The following ARHGAP24 variants were observed in gnomAD, a reference collection of about 807,000 sequenced individuals.
ARHGAP24 encodes Rho GTPase activating protein 24, also known as rho GTPase-activating protein 24.
Under a neutral mutation model 76.4 loss-of-function variants are expected in ARHGAP24, and 50 were observed. That is an observed-to-expected ratio of 0.65 (90% CI 0.52 to 0.83). The LOEUF (loss-of-function observed/expected upper bound fraction) is 0.83. Among genes scored for constraint, ARHGAP24 ranks in the 40% least tolerant of loss-of-function variants. The probability of loss-of-function intolerance (pLI) is 0.00; values close to 1 mark genes in which losing one functional copy is unlikely to be tolerated. For synonymous variants in ARHGAP24, 345 were observed against 323.3 expected (o/e 1.07, Z -0.72); for missense variants, 930 against 914.2 (o/e 1.02, Z -0.22).
At position 85,862,765 on chromosome 4, in the gene ARHGAP24, A is replaced by G. The variant is rs765055009; in HGVS notation, c.269-60883A>G. On this transcript the variant is annotated intron_variant, in intron 3 of 9. Transcript: ENST00000395184. ...TCTCAGTAAATGGCAACACCATCCA[A>G]TATTTGATGGGATCTCATATTTTCC... Among the ~76,000 whole-genome samples the G allele has an allele frequency of 5.9e-5, 9 of 152,082 alleles. 1 individual carries two copies. The highest frequency in any genetic ancestry group is 1.2e-4 in the African/African-American group (5 of 41,432).
intron 1 of ARHGAP24, among the ~76,000 whole-genome samples, chr4:85,506,895 T>TG (rs1045819273): frequency 2.3e-4 from 2 of 8,710 alleles, no homozygotes. Flanking sequence ...TCTAAGCCTT[T>TG]TTTTTTCCCC....
At chr4:85,519,898 TC>T (rs1459828122) in intron 1 of ARHGAP24, among the ~76,000 whole-genome samples, 4 of 152,158 alleles carry the variant, frequency 2.6e-5, no homozygotes, top group Non-Finnish European at 4.4e-5. Context: ...GTCTCCTGTT[TC>T]CTTACATCAT....
At chr4:85,533,187 A>C (rs1725337856) in intron 1 of ARHGAP24, among the ~76,000 whole-genome samples, 1 of 152,076 alleles carries the variant, frequency 6.6e-6, no homozygotes, top group Non-Finnish European at 1.5e-5. Flanking sequence ...ATGGTGATAA[A>C]CCTCAAGGGA....
chr4:85,822,757 A>G (rs1177988102), intron 3 of ARHGAP24, among the ~76,000 whole-genome samples: 2 of 152,166 alleles, frequency 1.3e-5, no homozygotes, highest in Admixed American at 6.6e-5. Context: ...TATTTATACC[A>G]TATCTATTCT....
intron 4 of ARHGAP24, chr4:85,930,174 G>A (rs981631626): frequency 1.2e-5 from 10 of 868,564 alleles, no homozygotes; most frequent in Non-Finnish European, 1.4e-5. Context: ...CGGAGCAGGA[G>A]GAGGGGGAGG....
intron 1 of ARHGAP24, among the ~76,000 whole-genome samples, chr4:85,492,790 TAG>T (rs552676904): frequency 8.5e-5 from 13 of 152,246 alleles, no homozygotes; most frequent in Admixed American, 6.5e-4. Flanking sequence ...GTTAGCATTT[TAG>T]AGTTATCAAA....
intron 2 of ARHGAP24, among the ~76,000 whole-genome samples, chr4:85,658,125 G>A (rs1187429901): frequency 2.0e-5 from 3 of 151,942 alleles, no homozygotes; most frequent in Admixed American, 1.3e-4. Flanking sequence ...CTTTTTTTCA[G>A]TCTGACAAAA....
At chr4:85,950,307 A>G (rs1428024968) in intron 5 of ARHGAP24, among the ~76,000 whole-genome samples, 1 of 149,120 alleles carries the variant, frequency 6.7e-6, no homozygotes, top group Non-Finnish European at 1.5e-5. Flanking sequence ...TGACTGGACA[A>G]TAAAGTGAGA....
chr4:85,845,497 C>A (rs1004185125), intron 3 of ARHGAP24, among the ~76,000 whole-genome samples: 1 of 152,146 alleles, frequency 6.6e-6, no homozygotes, highest in Non-Finnish European at 1.5e-5. Context: ...TAATATAAAT[C>A]ATTAGTGTGT....
At chr4:85,996,914 A>T (rs989910482) in intron 9 of ARHGAP24, among the ~76,000 whole-genome samples, 1 of 152,212 alleles carries the variant, frequency 6.6e-6, no homozygotes, top group Non-Finnish European at 1.5e-5. Context: ...AAAAGAAAAA[A>T]GTTATCACTA....
At chr4:85,762,796 T>C (rs970748927) in intron 3 of ARHGAP24, among the ~76,000 whole-genome samples, 1 of 152,174 alleles carries the variant, frequency 6.6e-6, no homozygotes, top group East Asian at 1.9e-4. Flanking sequence ...CTCCTGTGCC[T>C]AAAATAAAGA....
chr4:85,950,259 G>A (rs1486716690), intron 5 of ARHGAP24, among the ~76,000 whole-genome samples: 2 of 152,126 alleles, frequency 1.3e-5, no homozygotes, highest in African/African-American at 2.4e-5. Context: ...TTGGGAGGCC[G>A]AAGTGGGAGG....
intron 1 of ARHGAP24, among the ~76,000 whole-genome samples, chr4:85,482,243 C>T (rs1202127288): frequency 6.6e-6 from 1 of 152,170 alleles, no homozygotes; most frequent in Non-Finnish European, 1.5e-5. Flanking sequence ...ATTGTGAAAT[C>T]GTCAAGTGAA....
At chr4:85,517,304 C>T (rs1724547687) in intron 1 of ARHGAP24, among the ~76,000 whole-genome samples, 1 of 151,914 alleles carries the variant, frequency 6.6e-6, no homozygotes, top group East Asian at 1.9e-4. Context: ...ACAAATAGCC[C>T]CCCTCTCATT....
At chr4:85,962,455 T>G (rs1738316152) in intron 5 of ARHGAP24, among the ~76,000 whole-genome samples, 1 of 152,068 alleles carries the variant, frequency 6.6e-6, no homozygotes, top group Non-Finnish European at 1.5e-5. Flanking sequence ...CTCACCTCTC[T>G]CAAACTAGTC....
chr4:85,657,737 A>G (rs1722226146), intron 2 of ARHGAP24, among the ~76,000 whole-genome samples: 1 of 152,218 alleles, frequency 6.6e-6, no homozygotes, highest in South Asian at 2.1e-4. Flanking sequence ...TAAAAATTTT[A>G]TGAAATGCCA....
intron 8 of ARHGAP24, among the ~76,000 whole-genome samples, chr4:85,981,678 T>C (rs1397262580): frequency 1.3e-5 from 2 of 152,118 alleles, no homozygotes; most frequent in Admixed American, 1.3e-4. Flanking sequence ...TTTTTTCATT[T>C]CTGTTCTCCT....
intron 1 of ARHGAP24, among the ~76,000 whole-genome samples, chr4:85,535,475 T>TATTCC (rs1376915185): frequency 2.0e-5 from 3 of 152,172 alleles, no homozygotes; most frequent in African/African-American, 4.8e-5. Flanking sequence ...GGTCTAGAGA[T>TATTCC]AGAAAAAGTA....
intron 1 of ARHGAP24, among the ~76,000 whole-genome samples, chr4:85,483,491 A>C (rs1336009279): frequency 2.6e-5 from 4 of 152,126 alleles, no homozygotes; most frequent in Admixed American, 1.3e-4. Flanking sequence ...GCATGCCTGT[A>C]ATCCCAGCTA....
Sources: allele counts gnomAD v4.1 joint callset (sites outside exome capture counted in the v4.1 genomes callset), GRCh38; gene constraint gnomAD v4.1.1; transcripts MANE v1.5; gene names NCBI Gene and HGNC (gene_info 2026-07-23, HGNC 2026-07-21).